Variants in UTS2 observed in about 807,000 individuals in gnomAD.
UTS2 encodes urotensin-2.
In UTS2, 10 loss-of-function variants were observed where a neutral mutation model predicts 12.6. The observed-to-expected ratio is 0.80, with a 90% CI of 0.49 to 1.35. The LOEUF (loss-of-function observed/expected upper bound fraction) is 1.35. UTS2 is among the 40% of genes most tolerant of loss of function. The probability of loss-of-function intolerance (pLI) is 0.00; values close to 1 mark genes in which losing one functional copy is unlikely to be tolerated. For synonymous variants in UTS2, 52 were observed against 50.0 expected (o/e 1.04, Z -0.17); for missense variants, 142 against 143.2 (o/e 0.99, Z 0.04).
At chr1:7,912,991 CT>C in the UTS2 span, among the ~76,000 whole-genome samples, 100,868 of 143,184 alleles carry the variant, frequency 0.7, 35,561 homozygotes, top group East Asian at 0.98. Context: ...ATAGCTTTTT[CT>C]TTTTTTTTTT....
upstream of UTS2, among the ~76,000 whole-genome samples, chr1:7,857,640 C>T (rs1638340028): frequency 6.6e-6 from 1 of 151,842 alleles, no homozygotes; most frequent in South Asian, 2.1e-4. Flanking sequence ...ATTGCCAAAC[C>T]CAGGAGTTTG....
At chr1:7,892,472 T>G in the UTS2 span, among the ~76,000 whole-genome samples, 3 of 86,486 alleles carry the variant, frequency 3.5e-5, no homozygotes, top group East Asian at 2.5e-3. Flanking sequence ...CATGCATGTT[T>G]TTTTTTTTTT....
At chr1:7,866,573 C>T in the UTS2 span, among the ~76,000 whole-genome samples, 3 of 152,146 alleles carry the variant, frequency 2.0e-5, no homozygotes, top group Non-Finnish European at 2.9e-5. The surrounding 1 kb of genome is among the most constrained non-coding windows in gnomAD (Gnocchi z 4.5). Flanking sequence ...GCTCTTGAGT[C>T]ATACAGAACT....
At chr1:7,912,168 T>C in the UTS2 span, among the ~76,000 whole-genome samples, 2 of 152,088 alleles carry the variant, frequency 1.3e-5, no homozygotes, top group African/African-American at 4.8e-5. Context: ...AGATCCCTAG[T>C]GGCTAACTGA....
chr1:7,852,486 TAAAC>T (rs1409939287), intron 1 of UTS2, among the ~76,000 whole-genome samples: 1 of 130,154 alleles, frequency 7.7e-6, no homozygotes, highest in Non-Finnish European at 1.7e-5. Context: ...ATGATTTTTT[TAAAC>T]AAAAGGTGAA....
At chr1:7,848,851 G>T (rs892685178) in intron 3 of UTS2, among the ~76,000 whole-genome samples, 6 of 152,260 alleles carry the variant, frequency 3.9e-5, no homozygotes, top group African/African-American at 1.4e-4. Flanking sequence ...TCTGGAGCAT[G>T]GCCTTCCTCC....
chr1:7,899,795 A>G, the UTS2 span, among the ~76,000 whole-genome samples: 6 of 152,232 alleles, frequency 3.9e-5, no homozygotes. Flanking sequence ...TCAGGAGTCC[A>G]GGAGTGGCTG....
At chr1:7,909,249 T>C in the UTS2 span, among the ~76,000 whole-genome samples, 1 of 151,970 alleles carries the variant, frequency 6.6e-6, no homozygotes, top group Non-Finnish European at 1.5e-5. Context: ...TTTTTGAAAG[T>C]TAATTAAAAA....
upstream of UTS2, among the ~76,000 whole-genome samples, chr1:7,854,794 G>A (rs118159956): frequency 3.3e-4 from 50 of 152,160 alleles, no homozygotes; most frequent in East Asian, 2.9e-3. Context: ...ATACACATGC[G>A]AATTAGCTTG....
chr1:7,869,297 G>A, the UTS2 span, among the ~76,000 whole-genome samples: 1 of 152,216 alleles, frequency 6.6e-6, no homozygotes, highest in Non-Finnish European at 1.5e-5. Flanking sequence ...GAAGGTGGGA[G>A]GTGTGTGACT....
At chr1:7,898,271 C>G in the UTS2 span, among the ~76,000 whole-genome samples, 3 of 151,978 alleles carry the variant, frequency 2.0e-5, no homozygotes, top group Admixed American at 2.0e-4. Context: ...CAGGGGAATT[C>G]CCAAAAAGGA....
chr1:7,853,481 G>C, upstream of UTS2: 2 of 1,577,298 alleles, frequency 1.3e-6, no homozygotes, highest in Non-Finnish European at 1.7e-6. Flanking sequence ...TGTGTTTAGG[G>C]CTGCCATCCC....
At chr1:7,886,928 C>T in the UTS2 span, among the ~76,000 whole-genome samples, 1 of 149,822 alleles carries the variant, frequency 6.7e-6, no homozygotes, top group Non-Finnish European at 1.5e-5. Flanking sequence ...CAGGTCCCTG[C>T]TACTCGGGAG....
the UTS2 span, among the ~76,000 whole-genome samples, chr1:7,873,945 A>G: frequency 6.6e-6 from 1 of 152,210 alleles, no homozygotes; most frequent in South Asian, 2.1e-4. Flanking sequence ...GTGAATGGTA[A>G]GAAACATTCT....
chr1:7,868,104 G>T, the UTS2 span, among the ~76,000 whole-genome samples: 29 of 141,178 alleles, frequency 2.1e-4, no homozygotes, highest in Non-Finnish European at 3.2e-4. Context: ...TCCTGAACAC[G>T]AATGCACAGT....
chr1:7,867,316 A>C, the UTS2 span, among the ~76,000 whole-genome samples: 1 of 152,196 alleles, frequency 6.6e-6, no homozygotes, highest in African/African-American at 2.4e-5. Flanking sequence ...CAAAGTCCTA[A>C]GCCCCAGTAT....
chr1:7,870,702 A>G, the UTS2 span, among the ~76,000 whole-genome samples: 1 of 152,254 alleles, frequency 6.6e-6, no homozygotes, highest in East Asian at 1.9e-4. Context: ...TGTAGAGAAT[A>G]GAGGGAGAGA....
At chr1:7,855,872 T>A (rs929836901), upstream of UTS2, among the ~76,000 whole-genome samples, 6 of 151,678 alleles carry the variant, frequency 4.0e-5, no homozygotes, top group East Asian at 1.2e-3. Context: ...CTAGTTTTTT[T>A]TTTTTCAGAT....
intron 3 of UTS2, among the ~76,000 whole-genome samples, chr1:7,849,015 C>T (rs1189576842): frequency 1.3e-5 from 2 of 152,112 alleles, no homozygotes; most frequent in East Asian, 1.9e-4. Context: ...GTGCTGCTGG[C>T]GGTGGGCCGC....
Sources: gnomAD v4.1 joint callset for allele counts (sites outside exome capture counted in the v4.1 genomes callset) on GRCh38, gnomAD v4.1.1 for gene constraint, Gnocchi (gnomAD v3.1) non-coding constraint, MANE v1.5 for transcripts, NCBI Gene and HGNC (gene_info 2026-07-23, HGNC 2026-07-21) for gene names.